Variants in CNBD1 observed in about 807,000 individuals in gnomAD.
CNBD1 encodes the protein cyclic nucleotide binding domain containing 1.
CNBD1 carries 71 observed loss-of-function variants against 54.4 expected under a neutral mutation model. The ratio of observed to expected loss-of-function variants is 1.30; its 90% CI spans 1.08 to 1.59. The LOEUF is 1.59. Ranked by LOEUF, CNBD1 falls within the 40% of genes most tolerant of loss-of-function variation. CNBD1 has a pLI of 0.00. For missense variants in CNBD1, 659 were observed against 518.0 expected (o/e 1.27, Z -2.64); for synonymous variants, 182 against 170.7 (o/e 1.07, Z -0.51).
chr8:87,221,301 C>A (rs1458684679), intron 5 of CNBD1, among the ~76,000 whole-genome samples: 3 of 151,990 alleles, frequency 2.0e-5, no homozygotes, highest in Non-Finnish European at 4.4e-5. Context: ...CCAGTGCTCT[C>A]CTAAGTGTGT....
intron 2 of CNBD1, among the ~76,000 whole-genome samples, chr8:86,904,232 G>T (rs1000875003): frequency 6.6e-6 from 1 of 152,004 alleles, no homozygotes; most frequent in Admixed American, 6.6e-5. Context: ...TATTGGCTAA[G>T]ATGTTTGTCA....
At chr8:87,402,157 A>T (rs1339367037) in intron 2 of CNBD1, among the ~76,000 whole-genome samples, 2 of 152,084 alleles carry the variant, frequency 1.3e-5, no homozygotes, top group African/African-American at 4.8e-5. Context: ...AGCCTTTTAT[A>T]AAACCATCAA....
chr8:87,424,776 G>C (rs1352502089), intron 2 of CNBD1, among the ~76,000 whole-genome samples: 4 of 152,048 alleles, frequency 2.6e-5, no homozygotes, highest in Non-Finnish European at 5.9e-5. Context: ...TTTCAACTTT[G>C]GTGAATCTGA....
At chr8:87,053,982 T>TGG (rs1810362822) in intron 4 of CNBD1, among the ~76,000 whole-genome samples, 1 of 152,256 alleles carries the variant, frequency 6.6e-6, no homozygotes, top group African/African-American at 2.4e-5. Flanking sequence ...TGAATGGCTG[T>TGG]CTTCCTTCAG....
chr8:87,011,829 TAAAC>T (rs777846233), intron 4 of CNBD1, among the ~76,000 whole-genome samples: 2 of 152,146 alleles, frequency 1.3e-5, no homozygotes, highest in African/African-American at 4.8e-5. Context: ...CTGGAGAAGA[TAAAC>T]AAAAATATTA....
At chr8:87,241,698 A>G (rs1323092600) in intron 6 of CNBD1, among the ~76,000 whole-genome samples, 1 of 152,184 alleles carries the variant, frequency 6.6e-6, no homozygotes, top group Non-Finnish European at 1.5e-5. Context: ...GGGAATACAC[A>G]GTGATTAAAT....
At chr8:87,362,418 C>G (rs1194061531) in intron 10 of CNBD1, among the ~76,000 whole-genome samples, 1 of 152,092 alleles carries the variant, frequency 6.6e-6, no homozygotes, top group Non-Finnish European at 1.5e-5. Flanking sequence ...GTTCATCCAA[C>G]AGACAGTCCA....
chr8:86,980,705 G>A (rs1200850924), intron 4 of CNBD1, among the ~76,000 whole-genome samples: 2 of 152,192 alleles, frequency 1.3e-5, no homozygotes, highest in Non-Finnish European at 2.9e-5. Context: ...ATCTCAGGAT[G>A]TAGACTAATA....
chr8:87,335,630 C>T (rs1363558236), intron 8 of CNBD1, among the ~76,000 whole-genome samples: 1 of 152,168 alleles, frequency 6.6e-6, no homozygotes, highest in Non-Finnish European at 1.5e-5. Flanking sequence ...TTGAATATAG[C>T]ACACCAATGG....
chr8:87,098,085 T>C (rs951593289), intron 4 of CNBD1, among the ~76,000 whole-genome samples: 1 of 152,230 alleles, frequency 6.6e-6, no homozygotes, highest in Non-Finnish European at 1.5e-5. Flanking sequence ...TAATATGCTA[T>C]ATAATTGTTA....
intron 4 of CNBD1, among the ~76,000 whole-genome samples, chr8:87,013,639 GTTTTTTT>G (rs545260102): frequency 1.5e-5 from 2 of 133,894 alleles, no homozygotes; most frequent in Admixed American, 7.4e-5. Flanking sequence ...TTTGTTTTTT[GTTTTTTT>G]TTTGCAAGCC....
intron 10 of CNBD1, among the ~76,000 whole-genome samples, chr8:87,362,501 G>A (rs1810542542): frequency 6.6e-6 from 1 of 152,056 alleles, no homozygotes; most frequent in Admixed American, 6.6e-5. Flanking sequence ...TATAGCCTTT[G>A]CAGTAAACTT....
intron 8 of CNBD1, among the ~76,000 whole-genome samples, chr8:87,301,463 C>CT (rs1280279273): frequency 7.2e-6 from 1 of 139,290 alleles, no homozygotes; most frequent in Admixed American, 7.2e-5. Context: ...TATTTGCTAA[C>CT]TAAATCCAAC....
In CNBD1 at chr8:87,108,102, G is replaced by GA. The variant is rs150945331; in HGVS notation, c.432-97887dup. On this transcript the variant is annotated intron_variant, in intron 4 of 10. Transcript: ENST00000518476. ...TCTCCATTAATGACATGATAGTTTTGAAAATAGATAGTTCCTGACAGCTGT... is the reference window on the plus strand; with the variant it reads ...TCTCCATTAATGACATGATAGTTTTGAAAAATAGATAGTTCCTGACAGCTGT... 2.9e-3 allele frequency among the ~76,000 whole-genome samples: 442 copies of GA among 152,208 alleles called. 20 individuals are homozygous for GA. The East Asian group carries it at 0.077, about 27-fold the overall frequency.
intron 6 of CNBD1, among the ~76,000 whole-genome samples, chr8:87,243,244 A>G (rs560435379): frequency 6.6e-6 from 1 of 152,358 alleles, no homozygotes; most frequent in South Asian, 2.1e-4. Context: ...TAAAGAAAGA[A>G]TATCTCATTT....
At chr8:87,387,432 C>CA (rs571857101), downstream of CNBD1, among the ~76,000 whole-genome samples, 7 of 151,574 alleles carry the variant, frequency 4.6e-5, no homozygotes, top group Non-Finnish European at 7.4e-5. Context: ...AAATGGAAAA[C>CA]AAAAAAAGGC....
At chr8:87,219,290 A>G (rs1465824161) in intron 5 of CNBD1, among the ~76,000 whole-genome samples, 1 of 152,068 alleles carries the variant, frequency 6.6e-6, no homozygotes, top group Non-Finnish European at 1.5e-5. Context: ...GTATTATAAA[A>G]GGTAAGGATG....
rs201421787 is a variant in CNBD1, at chr8:87,382,148, AT to A, written c.1304-471del. On this transcript the variant is annotated intron_variant, in intron 10 of 10. Transcript: ENST00000518476. ...ATATAATTTAACATTTGATTAAAAA[AT>A]GTCACCTTTTCCAAAATGTTCATGG... is the stretch of plus-strand genomic sequence containing the variant. 7.0e-3 allele frequency among the ~76,000 whole-genome samples: 1,061 copies of A among 152,042 alleles called. 11 individuals are homozygous for A. Among genetic ancestry groups the A allele is most frequent in the African/African-American group, 0.024 (984 of 41,538 alleles).
At chr8:86,976,328 C>T (rs1014554805) in intron 4 of CNBD1, among the ~76,000 whole-genome samples, 2 of 151,116 alleles carry the variant, frequency 1.3e-5, no homozygotes, top group African/African-American at 4.9e-5. Context: ...GGAGCTTTCC[C>T]CTATATTTTC....
Sources: gnomAD v4.1 joint callset for allele counts (sites outside exome capture counted in the v4.1 genomes callset) on GRCh38, gnomAD v4.1.1 for gene constraint, MANE v1.5 for transcripts, NCBI Gene and HGNC (gene_info 2026-07-23, HGNC 2026-07-21) for gene names.